The following KCNC4 variants were observed in gnomAD, a reference collection of about 807,000 sequenced individuals.
KCNC4 encodes the protein voltage-gated potassium channel KCNC4.
KCNC4 carries 23 observed loss-of-function variants against 42.8 expected under a neutral mutation model. The observed-to-expected ratio is 0.54, with a 90% confidence interval of 0.39 to 0.76. The LOEUF is 0.76. KCNC4 is among the 30% of genes least tolerant of loss of function. The pLI is 0.00. For synonymous variants in KCNC4, 422 were observed against 393.5 expected, an observed-to-expected ratio of 1.07 and a Z score of -0.86; for missense variants, 751 against 898.2, an observed-to-expected ratio of 0.84 and a Z score of 2.10.
At chr1:110,283,096 T>C (rs1334700086) in exon 3 of KCNC4, 1 of 152,192 alleles carries the variant, frequency 6.6e-6, no homozygotes, top group Non-Finnish European at 1.5e-5. Flanking sequence ...AAAGGGGAAG[T>C]GGACATGTGC....
intron 1 of KCNC4, among the ~76,000 whole-genome samples, chr1:110,281,436 G>A (rs1421670935): frequency 6.6e-6 from 1 of 151,872 alleles, no homozygotes; most frequent in Non-Finnish European, 1.5e-5. Context: ...CATAAATACA[G>A]AGATGGGAAA....
intron 1 of KCNC4, among the ~76,000 whole-genome samples, chr1:110,271,023 A>T (rs1423981262): frequency 1.3e-5 from 2 of 152,210 alleles, no homozygotes; most frequent in Non-Finnish European, 2.9e-5. Context: ...GATCCTGAGG[A>T]TGACAGTTCT....
intron 1 of KCNC4, among the ~76,000 whole-genome samples, chr1:110,218,078 T>C (rs1260498975): frequency 6.6e-6 from 1 of 152,184 alleles, no homozygotes; most frequent in East Asian, 1.9e-4. Context: ...AGTCTCCTTA[T>C]GTTTATCTGT....
chr1:110,258,933 C>T lies in KCNC4; in HGVS notation n.31-23601C>T, dbSNP rs377401963. On this transcript the variant is annotated intron_variant and non_coding_transcript_variant, in intron 1 of 2. Transcript: ENST00000412512. ...TACCTCCCACACAAGGTCTTCTCCA[C>T]GCTGAAATCCAATGCCCTCAGGGGC... Among the ~76,000 whole-genome samples, 3 of 152,214 alleles carry T rather than the reference C, an allele frequency of 2.0e-5. No individual in the cohort carries two copies. In the South Asian group the frequency reaches 6.2e-4, roughly 32 times the overall value.
rs1356525916 is a variant in KCNC4 at position 110,211,633 on chromosome 1, C to T, written c.134C>T (p.Thr45Met). Residue 45 changes from threonine (T) to methionine (M), a missense_variant, in exon 1 of 4, where the codon ACG (threonine) becomes ATG (methionine). This residue lies in a region of KCNC4 where 183 missense variants were observed against 255.8 expected (regional missense o/e 0.72). Transcript: ENST00000438661. The surrounding 1 kb of genome is among the most constrained non-coding windows in gnomAD (Gnocchi z 6.5). Reference sequence around the variant, plus strand: ...AAGATCATCATCAACGTGGGCGGCACGCGACATGAGACCTACCGCAGCACC... The same window carrying T: ...AAGATCATCATCAACGTGGGCGGCATGCGACATGAGACCTACCGCAGCACC... ...SEKIIINVGG[T>M]RHETYRSTLR... 5.0e-6 allele frequency: 8 copies of T among 1,613,760 alleles called. No homozygotes were observed. In the African/African-American group the frequency reaches 8.0e-5, roughly 16 times the overall value.
Position 110,223,737 on chromosome 1 carries a change from C to T in KCNC4, c.1452C>T (p.Ala484=). 6.2e-7 allele frequency: 1 copy of T among 1,614,126 alleles called. No homozygotes were observed. The highest frequency in any genetic ancestry group is 8.5e-7 in the Non-Finnish European group (1 of 1,180,042). The change falls in exon 2 of 4, where the codon GCC becomes GCT. Residue 484 remains alanine, a synonymous_variant. Transcript: ENST00000438661. This position sits in a 1 kb window ranked among gnomAD's most constrained non-coding sequence, Gnocchi z 7.5. ...NFGMYYSLAM[A]KQKLPKKRKK... The stretch of plus-strand genomic sequence containing the variant: ...GCATGTACTACTCCCTGGCCATGGC[C>T]AAGCAGAAGCTGCCCAAGAAACGGA...
Position 110,211,490 on chromosome 1 carries a change from A to G in KCNC4, c.-10A>G. The G allele has an allele frequency of 6.2e-7, 1 of 1,606,426 alleles. No individual in the cohort carries two copies. Among genetic ancestry groups the G allele is most frequent in the Non-Finnish European group, 8.5e-7 (1 of 1,174,590 alleles). ...CGGCCGCCCCAAGCCGGAGCCCCGC[A>G]GCGCTTCTTATGATCAGCTCGGTGT... On this transcript the variant is annotated 5_prime_UTR_variant, in exon 1 of 4. Transcript: ENST00000438661. The surrounding 1 kb of genome is among the most constrained non-coding windows in gnomAD (Gnocchi z 6.5).
intron 1 of KCNC4, among the ~76,000 whole-genome samples, chr1:110,272,065 G>C (rs1317052063): frequency 6.6e-6 from 1 of 152,132 alleles, no homozygotes; most frequent in Non-Finnish European, 1.5e-5. Context: ...ATTTTGTTCT[G>C]GGGTACCTGG....
intron 1 of KCNC4, among the ~76,000 whole-genome samples, chr1:110,280,964 C>T (rs1425315494): frequency 6.6e-6 from 1 of 152,130 alleles, no homozygotes; most frequent in African/African-American, 2.4e-5. Context: ...AGGAGCCCTC[C>T]TCGAAGCAAA....
intron 1 of KCNC4, among the ~76,000 whole-genome samples, chr1:110,261,171 A>T (rs75979920): frequency 0.034 from 5,029 of 149,936 alleles, 144 homozygotes; most frequent in East Asian, 0.11. Context: ...TTAACATTTC[A>T]TTAAATCTAA....
intron 1 of KCNC4, chr1:110,220,319 T>G (rs1658025287): frequency 1.3e-5 from 2 of 151,894 alleles, no homozygotes. Context: ...ATCCAGGGGG[T>G]TGTTCCCTAA....
intron 1 of KCNC4, among the ~76,000 whole-genome samples, chr1:110,217,457 G>T (rs1657859356): frequency 6.6e-6 from 1 of 152,218 alleles, no homozygotes; most frequent in African/African-American, 2.4e-5. Flanking sequence ...GTTAGGGAAA[G>T]GGGGAATTTT....
rs1657439263 is a variant in KCNC4, at chr1:110,211,427, C to G, written c.-73C>G. The G allele has an allele frequency of 6.6e-7, 1 of 1,506,342 alleles. No individual in the cohort carries two copies. Among genetic ancestry groups the G allele is most frequent in the Non-Finnish European group, 8.9e-7 (1 of 1,123,710 alleles). The allele number at this position is 1,506,342 out of a possible 1,614,324, so 93.3% of individuals were successfully genotyped here. On this transcript the variant is annotated 5_prime_UTR_variant, in exon 1 of 4. Transcript: ENST00000438661. The surrounding 1 kb of genome is among the most constrained non-coding windows in gnomAD (Gnocchi z 6.5). The stretch of plus-strand genomic sequence containing the variant: ...TCTTCGTCTCCTCCCCCTCCCCCGT[C>G]TGACGCTGCCTCCTCGGGAAGGGTG...
chr1:110,213,783 G>A (rs1657633158), intron 1 of KCNC4, among the ~76,000 whole-genome samples: 1 of 152,212 alleles, frequency 6.6e-6, no homozygotes. Context: ...AACCTTGCTA[G>A]TGTTAGCACT....
exon 4 of KCNC4, chr1:110,239,671 T>C (rs1173357422): frequency 1.3e-5 from 2 of 152,212 alleles, no homozygotes; most frequent in Non-Finnish European, 2.9e-5. Flanking sequence ...TCCAGCTGGC[T>C]TTTGCACCTC....
chr1:110,224,219 A>T (rs768135031), intron 2 of KCNC4: 37 of 318,616 alleles, frequency 1.2e-4, no homozygotes, highest in Non-Finnish European at 1.8e-4. Flanking sequence ...CCCTGAGGCC[A>T]GTCACTCACC....
rs1228701599 is a variant in KCNC4 at position 110,210,354 on chromosome 1, A to G, written c.-1146A>G. ...CCGCTGCCAGCGCCGGAGGGAGACC[A>G]TGAGCCCCTAGGGCCCCAGCCCACC... On this transcript the variant is annotated 5_prime_UTR_variant, in exon 1 of 4. The change abolishes an upstream ATG in the 5' untranslated region. Coordinates refer to ENST00000438661, the MANE Select transcript of KCNC4 (RefSeq NM_001039574.3). Among the ~76,000 whole-genome samples the G allele has an allele frequency of 6.6e-5, 10 of 151,586 alleles. No homozygotes were observed. Among genetic ancestry groups the G allele is most frequent in the African/African-American group, 2.4e-4 (10 of 41,418 alleles).
At chr1:110,235,220 A>G (rs1206430308), downstream of KCNC4, 3 of 152,268 alleles carry the variant, frequency 2.0e-5, no homozygotes, top group African/African-American at 7.2e-5. Context: ...AAGTGTAAGG[A>G]AAGATCGGGC....
exon 4 of KCNC4, chr1:110,241,122 G>A (rs1266648523): frequency 1.3e-5 from 2 of 152,262 alleles, no homozygotes; most frequent in Admixed American, 1.3e-4. Flanking sequence ...TCGGTGCTAG[G>A]TGGTGACAAG....
Sources: gnomAD v4.1 joint callset for allele counts (sites outside exome capture counted in the v4.1 genomes callset) on GRCh38, gnomAD v4.1.1 for gene constraint, gnomAD v4.1.1 regional missense constraint, Gnocchi (gnomAD v3.1) non-coding constraint, MANE v1.5 for transcripts, NCBI Gene and HGNC (gene_info 2026-07-23, HGNC 2026-07-21) for gene names.